SIRT4: variants seen among roughly 807,000 people sequenced by gnomAD.
The protein encoded by SIRT4 is NAD-dependent protein lipoamidase sirtuin-4, mitochondrial.
In SIRT4, 23 loss-of-function variants were observed where a neutral mutation model predicts 26.1. That is an observed-to-expected ratio of 0.88 (90% confidence interval 0.63 to 1.25). The LOEUF (loss-of-function observed/expected upper bound fraction) is 1.25, where lower values mean the gene tolerates loss of function less well. Among genes scored for constraint, SIRT4 ranks in the 50% most tolerant of loss-of-function variants. SIRT4 has a pLI of 0.00. For synonymous variants in SIRT4, 155 were observed against 158.4 expected (o/e 0.98, Z 0.16); for missense variants, 361 against 405.4 (o/e 0.89, Z 0.94).
At chr12:120,305,158 C>T (rs1872703534) in intron 2 of SIRT4, among the ~76,000 whole-genome samples, 1 of 150,458 alleles carries the variant, frequency 6.6e-6, no homozygotes, top group South Asian at 2.1e-4. Context: ...CAGAGCAAAA[C>T]TCCGTCTCAA....
At chr12:120,312,242 C>T (rs867260481) in intron 2 of SIRT4, among the ~76,000 whole-genome samples, 4 of 151,672 alleles carry the variant, frequency 2.6e-5, no homozygotes, top group East Asian at 1.9e-4. Flanking sequence ...GAGCTGAGAT[C>T]GTGCCACTGC....
At chr12:120,293,118 A>G in the SIRT4 span, 2 of 152,104 alleles carry the variant, frequency 1.3e-5, no homozygotes, top group Non-Finnish European at 2.9e-5. Context: ...ACTGTCAAAA[A>G]TTGCCAGTGC....
intron 1 of SIRT4, among the ~76,000 whole-genome samples, chr12:120,302,980 C>A (rs1872601619): frequency 6.6e-6 from 1 of 151,540 alleles, no homozygotes; most frequent in African/African-American, 2.4e-5. Context: ...GCGTCGGCCT[C>A]CCAAAGTGCT....
the SIRT4 span, among the ~76,000 whole-genome samples, chr12:120,296,408 G>A: frequency 1.3e-5 from 2 of 151,182 alleles, no homozygotes; most frequent in Admixed American, 6.6e-5. Flanking sequence ...TAGTAGAGAT[G>A]GGGTTTCACC....
chr12:120,298,182 G>C (rs1363294944), upstream of SIRT4, among the ~76,000 whole-genome samples: 3 of 115,818 alleles, frequency 2.6e-5, no homozygotes, highest in East Asian at 8.3e-4. Flanking sequence ...GTCAACAAGA[G>C]TGAAACTCCA....
At chr12:120,303,000 G>A (rs1872601928) in intron 1 of SIRT4, among the ~76,000 whole-genome samples, 1 of 151,752 alleles carries the variant, frequency 6.6e-6, no homozygotes, top group African/African-American at 2.4e-5. Context: ...TGGGATTTCA[G>A]ACGTGAGCCA....
the SIRT4 span, among the ~76,000 whole-genome samples, chr12:120,296,357 A>G: frequency 2.0e-5 from 3 of 151,646 alleles, no homozygotes; most frequent in Admixed American, 6.6e-5. Flanking sequence ...AGCTGGGACT[A>G]CAGGCGCCCG....
In SIRT4 at chr12:120,303,630, G is replaced by A. The variant is rs201686223; in HGVS notation, c.69G>A (p.Pro23=). ...GTTGGATCGCAAACCCCAGCCAGCCGTGCTCGAAAGCCTCCATTGGGTTAT... is the reference window on the plus strand; with the variant it reads ...GTTGGATCGCAAACCCCAGCCAGCCATGCTCGAAAGCCTCCATTGGGTTAT... ...KGRWIANPSQ[P]CSKASIGLFV... Residue 23 remains proline (P), a synonymous_variant, in exon 2 of 4, where the codon CCG becomes CCA. Transcript: ENST00000202967. 177 of 1,613,934 alleles carry A rather than the reference G, an allele frequency of 1.1e-4. No homozygotes were observed. The highest frequency in any genetic ancestry group is 2.8e-4 in the Admixed American group (17 of 59,954).
the SIRT4 span, among the ~76,000 whole-genome samples, chr12:120,292,855 A>G: frequency 2.0e-5 from 3 of 152,192 alleles, no homozygotes; most frequent in Non-Finnish European, 4.4e-5. Flanking sequence ...ACTGGCAAGA[A>G]AAGTCAACAC....
chr12:120,303,357 C>T (rs1872612613), intron 1 of SIRT4, among the ~76,000 whole-genome samples: 1 of 151,762 alleles, frequency 6.6e-6, no homozygotes, highest in Non-Finnish European at 1.5e-5. Flanking sequence ...GCCATGTAGT[C>T]CCAGCTATTC....
intron 2 of SIRT4, among the ~76,000 whole-genome samples, chr12:120,305,781 G>A (rs922596494): frequency 1.1e-4 from 17 of 152,204 alleles, no homozygotes; most frequent in South Asian, 8.3e-4. Flanking sequence ...GGGAGGCTGA[G>A]GCAGGCGGAT....
At chr12:120,292,398 C>T in the SIRT4 span, among the ~76,000 whole-genome samples, 2 of 152,014 alleles carry the variant, frequency 1.3e-5, no homozygotes, top group African/African-American at 4.8e-5. Flanking sequence ...GTCAGGAGTT[C>T]AAGACCAGCC....
At chr12:120,296,086 CAAAA>C in the SIRT4 span, among the ~76,000 whole-genome samples, 4 of 40,190 alleles carry the variant, frequency 1.0e-4, no homozygotes, top group East Asian at 7.6e-4. Flanking sequence ...GACTCCGTCT[CAAAA>C]AAAAAAAAAA....
intron 3 of SIRT4, 57 bp downstream of exon 3, chr12:120,312,807 G>A: frequency 6.2e-7 from 1 of 1,606,918 alleles, no homozygotes; most frequent in Non-Finnish European, 8.5e-7. Context: ...GAGTCCTGGA[G>A]AGACACCCTG....
intron 2 of SIRT4, among the ~76,000 whole-genome samples, chr12:120,304,844 T>A (rs1307877226): frequency 0.031 from 307 of 10,032 alleles, 1 homozygote; most frequent in South Asian, 0.071. Flanking sequence ...TATTTTTTTT[T>A]TTTTTTTTTT....
chr12:120,306,671 C>T (rs1181975146), intron 2 of SIRT4, among the ~76,000 whole-genome samples: 1 of 151,840 alleles, frequency 6.6e-6, no homozygotes, highest in Non-Finnish European at 1.5e-5. Context: ...GGCATAGTGG[C>T]GCACGCCTGT....
Position 120,313,002 on chromosome 12 carries a change from G to A in SIRT4, c.911G>A (p.Cys304Tyr), listed in dbSNP as rs1418211432. The A allele has an allele frequency of 6.2e-7, 1 of 1,614,152 alleles. No individual in the cohort carries two copies. Among genetic ancestry groups the A allele is most frequent in the East Asian group, 2.2e-5 (1 of 44,870 alleles). The part of the protein sequence containing the change: ...DLACLKLNSR[C>Y]GELLPLIDPC ...GCGTGTCTGAAACTGAATTCTCGTT[G>A]TGGAGAGTTGCTGCCTTTGATAGAC... The change falls in exon 4 of 4, where the codon TGT becomes TAT. Residue 304 changes from cysteine (C) to tyrosine (Y), a missense_variant. Physicochemically the swap from Cys to Tyr is radical, Grantham distance 194 (BLOSUM62 -2). Coordinates refer to ENST00000202967, the MANE Select transcript of SIRT4 (RefSeq NM_012240.3).
At chr12:120,302,720 C>CTTTTTTT (rs901345647) in intron 1 of SIRT4, among the ~76,000 whole-genome samples, 4 of 136,826 alleles carry the variant, frequency 2.9e-5, no homozygotes, top group African/African-American at 8.1e-5. Flanking sequence ...TTTTCTTTTT[C>CTTTTTTT]TTTTTTTTTT....
intron 1 of SIRT4, 96 bp from the exon 2 acceptor site, chr12:120,303,465 A>T: frequency 7.3e-7 from 1 of 1,373,456 alleles, no homozygotes. Context: ...ACAGAGGGAG[A>T]CTCTGTCTCA....
Sources: gnomAD v4.1 joint callset for allele counts (sites outside exome capture counted in the v4.1 genomes callset) on GRCh38, gnomAD v4.1.1 for gene constraint, MANE v1.5 for transcripts, NCBI Gene and HGNC (gene_info 2026-07-23, HGNC 2026-07-21) for gene names.